Variants in PLXDC2 observed in about 807,000 individuals in gnomAD.
PLXDC2 encodes the protein plexin domain containing 2.
In PLXDC2, 40 loss-of-function variants were observed where a neutral mutation model predicts 68.9. That is an observed-to-expected ratio of 0.58 (90% confidence interval 0.45 to 0.76). The LOEUF is 0.76. Ranked by LOEUF, PLXDC2 falls within the 30% of genes least tolerant of loss-of-function variation. The pLI, the probability that PLXDC2 is intolerant of heterozygous loss-of-function variation, is 0.00. For missense variants in PLXDC2, 644 were observed against 661.9 expected, an observed-to-expected ratio of 0.97 and a Z score of 0.30; for synonymous variants, 243 against 234.2, an observed-to-expected ratio of 1.04 and a Z score of -0.34.
intron 3 of PLXDC2, among the ~76,000 whole-genome samples, chr10:20,050,199 CA>C (rs1354114448): frequency 6.6e-6 from 1 of 151,950 alleles, no homozygotes; most frequent in African/African-American, 2.4e-5. Flanking sequence ...ACACCATATA[CA>C]AAAAATCAAT....
At chr10:19,913,336 A>G (rs769385472) in intron 1 of PLXDC2, among the ~76,000 whole-genome samples, 4 of 151,508 alleles carry the variant, frequency 2.6e-5, no homozygotes, top group Non-Finnish European at 4.4e-5. Context: ...CTTTCCTTCC[A>G]CCGTGATTGT....
At chr10:20,019,260 G>C (rs1169060898) in intron 2 of PLXDC2, among the ~76,000 whole-genome samples, 1 of 152,198 alleles carries the variant, frequency 6.6e-6, no homozygotes, top group Non-Finnish European at 1.5e-5. Flanking sequence ...GATATAGCTA[G>C]CTGATATCTT....
intron 2 of PLXDC2, among the ~76,000 whole-genome samples, chr10:20,043,699 T>C (rs1835726015): frequency 6.6e-6 from 1 of 152,150 alleles, no homozygotes; most frequent in Non-Finnish European, 1.5e-5. Context: ...GAAATCTTTG[T>C]AATAATACTG....
In PLXDC2 at chr10:20,253,997, G is replaced by A. The variant is rs374225976; in HGVS notation, c.1473+8492G>A. ...CCCCTTTGTTGGAGTCAAGTCCAAG[G>A]TAGAAATACTCAGGATGGTGAAACA... On this transcript the variant is annotated intron_variant, in intron 13 of 13. Coordinates refer to ENST00000377252, the MANE Select transcript of PLXDC2 (RefSeq NM_032812.9). Among the ~76,000 whole-genome samples the A allele has an allele frequency of 4.6e-5, 7 of 152,260 alleles. No individual in the cohort carries two copies. In the South Asian group the frequency reaches 8.3e-4, roughly 18 times the overall value.
intron 13 of PLXDC2, among the ~76,000 whole-genome samples, chr10:20,249,764 G>T (rs1157633591): frequency 6.6e-6 from 1 of 152,082 alleles, no homozygotes; most frequent in Non-Finnish European, 1.5e-5. Context: ...CCATTATTCT[G>T]TTGAGCACAG....
chr10:19,911,445 A>G (rs1233452638), intron 1 of PLXDC2, among the ~76,000 whole-genome samples: 1 of 152,102 alleles, frequency 6.6e-6, no homozygotes, highest in Admixed American at 6.5e-5. Flanking sequence ...CTCTAAGGTT[A>G]CTGTTTTGCC....
intron 1 of PLXDC2, among the ~76,000 whole-genome samples, chr10:19,934,232 T>C (rs912815598): frequency 6.6e-6 from 1 of 152,250 alleles, no homozygotes; most frequent in African/African-American, 2.4e-5. Flanking sequence ...AATACCTTTA[T>C]TAATTTAGCA....
intron 4 of PLXDC2, among the ~76,000 whole-genome samples, chr10:20,094,255 AT>A (rs1224488247): frequency 2.6e-5 from 4 of 152,222 alleles, no homozygotes; most frequent in Non-Finnish European, 4.4e-5. Context: ...ATGGCTTAAA[AT>A]ATCTGAGAAC....
chr10:20,273,256 A>G (rs1835962179), intron 13 of PLXDC2, among the ~76,000 whole-genome samples: 1 of 151,886 alleles, frequency 6.6e-6, no homozygotes, highest in South Asian at 2.1e-4. Flanking sequence ...GCAATATTTT[A>G]TTTTTTATTT....
At chr10:20,040,156 A>G (rs1167276778) in intron 2 of PLXDC2, among the ~76,000 whole-genome samples, 1 of 152,076 alleles carries the variant, frequency 6.6e-6, no homozygotes, top group Non-Finnish European at 1.5e-5. Flanking sequence ...CAAGAAACAG[A>G]TGACTCATTC....
intron 1 of PLXDC2, among the ~76,000 whole-genome samples, chr10:19,863,380 C>T (rs1264405438): frequency 6.6e-6 from 1 of 152,174 alleles, no homozygotes; most frequent in Non-Finnish European, 1.5e-5. Flanking sequence ...AGGGCTGGTA[C>T]GTTGCACAGA....
At chr10:20,211,617 A>G in intron 9 of PLXDC2, 52 bp from the exon 10 acceptor site, 1 of 1,563,840 alleles carries the variant, frequency 6.4e-7, no homozygotes, top group South Asian at 1.1e-5. Context: ...TCTGTCCACC[A>G]CCCTGCACCC....
rs1157259984 is a variant in PLXDC2 at position 20,219,084 on chromosome 10, C to T, written c.1294C>T (p.His432Tyr). Residue 432 changes from histidine (H) to tyrosine (Y), a missense_variant, in exon 12 of 14, where the codon CAT becomes TAT. Physicochemically the swap from His to Tyr is moderately conservative, Grantham distance 83. This residue lies in a region of PLXDC2 where 330 missense variants were observed against 327.9 expected (regional missense o/e 1.01). Transcript: ENST00000377252. ...PTEDDTKIAL[H>Y]LKDNGASTDD... is the part of the protein sequence containing the mutation. ...TCCAGATGATACCAAGATAGCACTA[C>T]ATCTAAAAGATAATGGAGGTAGGAA... 2 of 1,607,162 alleles carry T rather than the reference C, an allele frequency of 1.2e-6. No homozygotes were observed. The highest frequency in any genetic ancestry group is 1.3e-5 in the African/African-American group (1 of 74,818).
intron 1 of PLXDC2, among the ~76,000 whole-genome samples, chr10:19,902,138 T>C (rs550130175): frequency 6.6e-6 from 1 of 152,304 alleles, no homozygotes; most frequent in East Asian, 1.9e-4. Flanking sequence ...TGCTCAGTCT[T>C]GCTTTGGCTA....
At chr10:19,948,969 A>G (rs1245653344) in intron 1 of PLXDC2, among the ~76,000 whole-genome samples, 1 of 151,792 alleles carries the variant, frequency 6.6e-6, no homozygotes, top group Non-Finnish European at 1.5e-5. Context: ...GTCTTTACTA[A>G]AAATACAAAA....
At chr10:20,171,294 T>G (rs1287031607) in intron 7 of PLXDC2, among the ~76,000 whole-genome samples, 2 of 152,288 alleles carry the variant, frequency 1.3e-5, no homozygotes, top group East Asian at 3.9e-4. Context: ...TCGACAGATC[T>G]CCAGTAAATT....
At position 20,263,958 on chromosome 10, in the gene PLXDC2, G is replaced by GTA. The variant is rs201883366; in HGVS notation, c.1474-15734_1474-15733dup. 8.4e-3 allele frequency among the ~76,000 whole-genome samples: 1,278 copies of GTA among 151,828 alleles called. 6 individuals are homozygous for GTA. The highest frequency in any genetic ancestry group is 0.011 in the Non-Finnish European group (775 of 67,942). On this transcript the variant is annotated intron_variant, in intron 13 of 13. Coordinates refer to ENST00000377252, the MANE Select transcript of PLXDC2 (RefSeq NM_032812.9). ...TATGACCCAGCAATCCCATTACTTGGTATATATATATACCAAGAGGAATAT... is the reference window on the plus strand; with the variant it reads ...TATGACCCAGCAATCCCATTACTTGGTATATATATATATACCAAGAGGAATAT...
chr10:20,134,292 G>T (rs1454848835), intron 4 of PLXDC2, among the ~76,000 whole-genome samples: 1 of 152,136 alleles, frequency 6.6e-6, no homozygotes, highest in Non-Finnish European at 1.5e-5. Flanking sequence ...TGTGAGCCTT[G>T]TTACCTTGCA....
chr10:19,945,939 CCT>C (rs1412611590), intron 1 of PLXDC2, among the ~76,000 whole-genome samples: 1 of 152,190 alleles, frequency 6.6e-6, no homozygotes, highest in Non-Finnish European at 1.5e-5. Context: ...TTCCAAATCC[CCT>C]GTTATAATTT....
Sources: gnomAD v4.1 joint callset for allele counts (sites outside exome capture counted in the v4.1 genomes callset) on GRCh38, gnomAD v4.1.1 for gene constraint, gnomAD v4.1.1 regional missense constraint, MANE v1.5 for transcripts, NCBI Gene and HGNC (gene_info 2026-07-23, HGNC 2026-07-21) for gene names.